Variants in ST8SIA5 observed in about 807,000 individuals in gnomAD.
ST8SIA5 encodes ST8 alpha-N-acetyl-neuraminide alpha-2,8-sialyltransferase 5.
ST8SIA5 carries 24 observed loss-of-function variants against 40.2 expected under a neutral mutation model. That is an observed-to-expected ratio of 0.60 (90% confidence interval 0.43 to 0.84). The LOEUF is 0.84. ST8SIA5 is among the 40% of genes least tolerant of loss of function. ST8SIA5 has a pLI of 0.00. For missense variants in ST8SIA5, 465 were observed against 498.5 expected, an observed-to-expected ratio of 0.93 and a Z score of 0.64; for synonymous variants, 198 against 201.8, an observed-to-expected ratio of 0.98 and a Z score of 0.16.
chr18:46,695,646 T>C (rs2039550351), intron 2 of ST8SIA5, among the ~76,000 whole-genome samples: 1 of 152,238 alleles, frequency 6.6e-6, no homozygotes, highest in Non-Finnish European at 1.5e-5. Flanking sequence ...TTTCCACTTT[T>C]GTAAAACCTA....
rs183767336 is a variant in ST8SIA5 at position 46,712,646 on chromosome 18, G to A, written c.132-7982C>T. On this transcript the variant is annotated intron_variant, in intron 1 of 6. Coordinates refer to ENST00000315087, the MANE Select transcript of ST8SIA5 (RefSeq NM_013305.6). ...CATGGCCTGTCTGCGCTGTTGATGC[G>A]TGAGAAGGGTTTTTCTCCTCTTTGA... is the stretch of plus-strand genomic sequence containing the variant. 2.1e-3 allele frequency among the ~76,000 whole-genome samples: 325 copies of A among 152,254 alleles called. 1 individual carries two copies. The highest frequency in any genetic ancestry group is 7.6e-3 in the African/African-American group (314 of 41,536).
chr18:46,722,397 ACT>A (rs1445423638), intron 1 of ST8SIA5, among the ~76,000 whole-genome samples: 4 of 151,984 alleles, frequency 2.6e-5, no homozygotes, highest in Admixed American at 2.6e-4. Context: ...CTTATCAGAG[ACT>A]CTGCACTGAA....
In ST8SIA5 at chr18:46,672,277, G is replaced by A. The variant is rs2039313301; in HGVS notation, c.*7765C>T. ...AGGGTAATGACTCCCAACCATGTGA[G>A]ACAGAACCACTTAATGAGATCTTTC... On this transcript the variant is annotated 3_prime_UTR_variant, in exon 7 of 7. Transcript: ENST00000315087. 6.6e-6 allele frequency: 1 copy of A among 152,206 alleles called. No individual in the cohort carries two copies. Among genetic ancestry groups the A allele is most frequent in the African/African-American group, 2.4e-5 (1 of 41,448 alleles). The allele number at this position is 152,206 out of a possible 1,614,324, so 9.4% of individuals were successfully genotyped here.
chr18:46,729,482 G>T (rs1025886334), intron 1 of ST8SIA5, among the ~76,000 whole-genome samples: 2 of 152,158 alleles, frequency 1.3e-5, no homozygotes, highest in Admixed American at 1.3e-4. Flanking sequence ...CAGAGAGAGG[G>T]GAGGCCAGCC....
chr18:46,688,028 C>T (rs2144472555), intron 4 of ST8SIA5, among the ~76,000 whole-genome samples: 1 of 152,322 alleles, frequency 6.6e-6, no homozygotes, highest in African/African-American at 2.4e-5. Flanking sequence ...ATTGCAGGTG[C>T]TCAGCATCAG....
intron 1 of ST8SIA5, among the ~76,000 whole-genome samples, chr18:46,739,378 C>T (rs143143214): frequency 0.024 from 3,654 of 152,222 alleles, 76 homozygotes; most frequent in Admixed American, 0.051. Flanking sequence ...CCCGACTCTA[C>T]TAAAAATACA....
At chr18:46,686,084 G>T in intron 5 of ST8SIA5, 90 bp downstream of exon 5, 1 of 1,252,108 alleles carries the variant, frequency 8.0e-7, no homozygotes, top group Non-Finnish European at 1.2e-6. Context: ...GGGATTACTT[G>T]CTTAAAGGGT....
rs1279175886 is a variant in ST8SIA5, at chr18:46,725,973, ATAT to A, written c.132-21312_132-21310del. Among the ~76,000 whole-genome samples the A allele has an allele frequency of 8.8e-3, 221 of 25,030 alleles. 8 individuals carry two copies. Among genetic ancestry groups the A allele is most frequent in the South Asian group, 0.016 (9 of 572 alleles). 16.4% of individuals were successfully genotyped at this position (25,030 alleles called of 152,430 possible). ...CCATCTCTACTTAAAAAAAAAAAAAATATATATATATATATATATATATATATA... is the reference window on the plus strand; with the variant it reads ...CCATCTCTACTTAAAAAAAAAAAAAAATATATATATATATATATATATATA... On this transcript the variant is annotated intron_variant, in intron 1 of 6. Coordinates refer to ENST00000315087, the MANE Select transcript of ST8SIA5 (RefSeq NM_013305.6).
At chr18:46,707,123 G>A (rs1029589485) in intron 1 of ST8SIA5, among the ~76,000 whole-genome samples, 7 of 151,526 alleles carry the variant, frequency 4.6e-5, no homozygotes, top group Non-Finnish European at 1.0e-4. Context: ...ACAACAGTGA[G>A]CTCTGGTGTC....
At chr18:46,737,895 T>C (rs1233466746) in intron 1 of ST8SIA5, among the ~76,000 whole-genome samples, 5 of 151,974 alleles carry the variant, frequency 3.3e-5, no homozygotes, top group African/African-American at 1.2e-4. Context: ...CTCAGCCTCC[T>C]GAGGAGCTGG....
At chr18:46,703,134 CT>C (rs1441326532) in intron 2 of ST8SIA5, among the ~76,000 whole-genome samples, 2 of 152,180 alleles carry the variant, frequency 1.3e-5, no homozygotes, top group South Asian at 4.1e-4. Flanking sequence ...TATCTACTTT[CT>C]TTTTTTATTT....
At chr18:46,682,126 T>C in intron 5 of ST8SIA5, 62 bp from the exon 6 acceptor site, 1 of 1,272,398 alleles carries the variant, frequency 7.9e-7, no homozygotes, top group Non-Finnish European at 1.1e-6. Context: ...CTGGGGAGGG[T>C]GCAGGGGGAG....
chr18:46,750,453 T>A (rs1018478320), intron 1 of ST8SIA5, among the ~76,000 whole-genome samples: 1 of 152,196 alleles, frequency 6.6e-6, no homozygotes, highest in African/African-American at 2.4e-5. Context: ...TTTCTTTTAA[T>A]GCTTTTTCTT....
chr18:46,701,243 C>G (rs1194713430), intron 2 of ST8SIA5, among the ~76,000 whole-genome samples: 1 of 139,474 alleles, frequency 7.2e-6, no homozygotes, highest in Non-Finnish European at 1.5e-5. Context: ...CGGGTTCAAG[C>G]AATTCTCCTG....
intron 1 of ST8SIA5, among the ~76,000 whole-genome samples, chr18:46,741,643 C>A (rs1194642399): frequency 6.6e-6 from 1 of 152,138 alleles, no homozygotes; most frequent in African/African-American, 2.4e-5. Flanking sequence ...CAAACAAAAT[C>A]TCACATCATA....
intron 1 of ST8SIA5, among the ~76,000 whole-genome samples, chr18:46,719,297 A>G (rs1207633646): frequency 6.6e-6 from 1 of 152,188 alleles, no homozygotes; most frequent in Non-Finnish European, 1.5e-5. Flanking sequence ...GATAGGAAAG[A>G]GGAAGCTGGC....
chr18:46,737,835 A>G (rs753917607), intron 1 of ST8SIA5, among the ~76,000 whole-genome samples: 2 of 151,964 alleles, frequency 1.3e-5, no homozygotes, highest in Non-Finnish European at 2.9e-5. Flanking sequence ...CAGTGGTGCA[A>G]TCTTGGCTCA....
At chr18:46,750,144 T>C (rs1298697930) in intron 1 of ST8SIA5, among the ~76,000 whole-genome samples, 1 of 152,228 alleles carries the variant, frequency 6.6e-6, no homozygotes, top group Non-Finnish European at 1.5e-5. Flanking sequence ...TGGAGAATTA[T>C]AAAACTCCAT....
rs1005950095 is a variant in ST8SIA5 at position 46,678,423 on chromosome 18, C to T, written c.*1619G>A. 3.9e-5 allele frequency: 6 copies of T among 152,288 alleles called. No individual in the cohort carries two copies. The highest frequency in any genetic ancestry group is 7.2e-5 in the African/African-American group (3 of 41,448). The allele number at this position is 152,288 out of a possible 1,614,324, so 9.4% of individuals were successfully genotyped here. On this transcript the variant is annotated 3_prime_UTR_variant, in exon 7 of 7. Coordinates refer to ENST00000315087, the MANE Select transcript of ST8SIA5 (RefSeq NM_013305.6). ...TCTCCACGTCCCTGACTGGCTCAGC[C>T]GGGGGGCCTGTCAAATGAGGTGATT...
Sources: allele counts gnomAD v4.1 joint callset (sites outside exome capture counted in the v4.1 genomes callset), GRCh38; gene constraint gnomAD v4.1.1; transcripts MANE v1.5; gene names NCBI Gene and HGNC (gene_info 2026-07-23, HGNC 2026-07-21).